MYO9B: variants seen among roughly 807,000 people sequenced by gnomAD.
MYO9B encodes unconventional myosin-IXb.
Under a neutral mutation model 229.5 loss-of-function variants are expected in MYO9B, and 71 were observed. The observed-to-expected ratio is 0.31, with a 90% confidence interval of 0.26 to 0.38. The LOEUF is 0.38. Among genes scored for constraint, MYO9B ranks in the 10% least tolerant of loss-of-function variants. The pLI, the probability that MYO9B is intolerant of heterozygous loss-of-function variation, is 1.00. For missense variants in MYO9B, 2,255 were observed against 2,920.5 expected, an observed-to-expected ratio of 0.77 and a Z score of 5.25; for synonymous variants, 1,185 against 1,235.8, an observed-to-expected ratio of 0.96 and a Z score of 0.86.
At position 17,175,711 on chromosome 19, in the gene MYO9B, G is replaced by A. The variant is rs188258141; in HGVS notation, c.2189G>A (p.Gly730Glu). The change falls in exon 14 of 40, where the codon GGA becomes GAA. Residue 730 changes from glycine (G) to glutamate (E), a missense_variant. Gly to Glu is a moderately conservative substitution (Grantham distance 98). Around this residue, in one of 7 missense-constraint regions of MYO9B, gnomAD observed 155 missense variants for 159.1 expected, o/e 0.97. Coordinates refer to ENST00000682292, the MANE Select transcript of MYO9B (RefSeq NM_004145.4). ...AGTCACCCAGAAGAGCTGCCAAGAG[G>A]AGCCAGCACCCCTTCGGAAAAACTT... Reference protein sequence around the residue: ...AQSHPEELPRGASTPSEKLYR... With the variant: ...AQSHPEELPREASTPSEKLYR... 156 of 1,575,954 alleles carry A rather than the reference G, an allele frequency of 9.9e-5. No homozygotes were observed. The African/African-American group carries it at 1.9e-3, about 19-fold the overall frequency.
At chr19:17,094,088 T>G (rs1484742222) in intron 1 of MYO9B, among the ~76,000 whole-genome samples, 1 of 135,004 alleles carries the variant, frequency 7.4e-6, no homozygotes. Flanking sequence ...CGGGCTGGAG[T>G]GCAATGGCGC....
intron 2 of MYO9B, among the ~76,000 whole-genome samples, chr19:17,123,724 T>C (rs1204638326): frequency 1.3e-5 from 2 of 151,770 alleles, no homozygotes; most frequent in Non-Finnish European, 2.9e-5. Flanking sequence ...GTAAAAATTC[T>C]AAAAGATACA....
Position 17,156,921 on chromosome 19 carries a change from C to G in MYO9B, c.1212C>G (p.Val404=), listed in dbSNP as rs762713264. ...TTTTCTTTCCCAGGATTTTTGCCGTCCTCTCGGCCATCCTGTACCTGGGCA... is the reference window on the plus strand; with the variant it reads ...TTTTCTTTCCCAGGATTTTTGCCGTGCTCTCGGCCATCCTGTACCTGGGCA... ...LPATKKQIFA[V]LSAILYLGNV... Residue 404 remains valine (V), a synonymous_variant, in exon 7 of 40, where the codon GTC becomes GTG. Transcript: ENST00000682292. 1 of 1,612,404 alleles carries G rather than the reference C, an allele frequency of 6.2e-7. No individual in the cohort carries two copies. Among genetic ancestry groups the G allele is most frequent in the South Asian group, 1.1e-5 (1 of 90,890 alleles).
At chr19:17,107,095 G>T (rs949011857) in intron 2 of MYO9B, among the ~76,000 whole-genome samples, 1 of 151,956 alleles carries the variant, frequency 6.6e-6, no homozygotes, top group Non-Finnish European at 1.5e-5. Flanking sequence ...AATTAGCCAG[G>T]CATGGCAGTG....
intron 1 of MYO9B, among the ~76,000 whole-genome samples, chr19:17,082,058 G>A (rs1392872249): frequency 6.6e-6 from 1 of 152,168 alleles, no homozygotes; most frequent in Non-Finnish European, 1.5e-5. Context: ...AGGACCAACT[G>A]CTGTCACAAG....
intron 19 of MYO9B, 99 bp from the exon 20 acceptor site, chr19:17,190,998 A>C: frequency 3.1e-6 from 4 of 1,295,626 alleles, no homozygotes; most frequent in Non-Finnish European, 4.3e-6. Flanking sequence ...ATTCCTGTCA[A>C]ACCCAGCTTC....
In MYO9B at chr19:17,180,866, C is replaced by T. The variant is rs1438442196; in HGVS notation, c.2220-61C>T. 1.7e-5 allele frequency: 20 copies of T among 1,185,614 alleles called. No individual in the cohort carries two copies. The East Asian group carries it at 4.9e-4, about 29-fold the overall frequency. 73.4% of individuals were successfully genotyped at this position (1,185,614 alleles called of 1,614,324 possible). A position where few individuals can be genotyped will look rare whatever the true frequency, so the allele number is the denominator to read the frequency against. On this transcript the variant is annotated intron_variant, in intron 14 of 39. Transcript: ENST00000682292. ...AATGGCGCTGGGAACCCCGAGGTGG[C>T]AGGCCTGCTTCTAACTCCATCTTCT... is the stretch of plus-strand genomic sequence containing the variant.
At chr19:17,109,575 G>A (rs185946201) in intron 2 of MYO9B, among the ~76,000 whole-genome samples, 26 of 152,264 alleles carry the variant, frequency 1.7e-4, no homozygotes, top group South Asian at 2.1e-4. Flanking sequence ...AAACAGCAGG[G>A]GTTGATTCTC....
intron 2 of MYO9B, among the ~76,000 whole-genome samples, chr19:17,130,650 G>T (rs1193341898): frequency 6.6e-6 from 1 of 151,620 alleles, no homozygotes; most frequent in African/African-American, 2.4e-5. Context: ...CAGGCATGGT[G>T]GTGCACACCT....
Position 17,101,514 on chromosome 19 carries a change from G to A in MYO9B, c.-58-146G>A. 1 of 718,022 alleles carries A rather than the reference G, an allele frequency of 1.4e-6. No homozygotes were observed. The allele number at this position is 718,022 out of a possible 1,614,324, so 44.5% of individuals were successfully genotyped here. A position where few individuals can be genotyped will look rare whatever the true frequency, so the allele number is the denominator to read the frequency against. ...AGACCCTCACGGGATGTCGTGACTGGTTGCCTCTGGCTTTTTGGGCGAGCC... is the reference window on the plus strand; with the variant it reads ...AGACCCTCACGGGATGTCGTGACTGATTGCCTCTGGCTTTTTGGGCGAGCC... On this transcript the variant is annotated intron_variant, in intron 1 of 39. Coordinates refer to ENST00000682292, the MANE Select transcript of MYO9B (RefSeq NM_004145.4). The surrounding 1 kb of genome is among the most constrained non-coding windows in gnomAD (Gnocchi z 4.7).
chr19:17,157,974 G>A (rs10409461), intron 7 of MYO9B, among the ~76,000 whole-genome samples: 58,137 of 151,920 alleles, frequency 0.38, 11,658 homozygotes, highest in African/African-American at 0.51. Context: ...GCCAGGGGCA[G>A]TTCTGCCCCT....
Position 17,137,982 on chromosome 19 carries a change from A to G in MYO9B, c.841-7415A>G, listed in dbSNP as rs531455404. 6.6e-5 allele frequency among the ~76,000 whole-genome samples: 10 copies of G among 151,504 alleles called. No homozygotes were observed. The East Asian group carries it at 1.2e-3, about 18-fold the overall frequency. ...TTCGTTACATAGGTATACACATGCC[A>G]TGGTGGTTTGCTGCACCCATCAACC... On this transcript the variant is annotated intron_variant, in intron 2 of 39. Transcript: ENST00000682292.
chr19:17,206,605 G>T, intron 33 of MYO9B, 74 bp from the exon 34 acceptor site: 1 of 1,389,020 alleles, frequency 7.2e-7, no homozygotes, highest in Non-Finnish European at 9.9e-7. Context: ...GTGCATCTCA[G>T]GTCGTGTTGG....
intron 37 of MYO9B, 91 bp from the exon 38 acceptor site, chr19:17,210,624 C>G (rs568478282): frequency 7.0e-7 from 1 of 1,430,022 alleles, no homozygotes; most frequent in South Asian, 1.5e-5. Flanking sequence ...ACACTCACAT[C>G]ACAACTAACC....
chr19:17,158,942 C>G (rs925067161), intron 7 of MYO9B, among the ~76,000 whole-genome samples: 3 of 152,212 alleles, frequency 2.0e-5, no homozygotes, highest in African/African-American at 4.8e-5. Flanking sequence ...GCCTATAATC[C>G]CAGCACTTTG....
At chr19:17,158,606 AAGG>A (rs1241021280) in intron 7 of MYO9B, among the ~76,000 whole-genome samples, 1 of 151,532 alleles carries the variant, frequency 6.6e-6, no homozygotes, top group Non-Finnish European at 1.5e-5. Flanking sequence ...AAAAAAAAAA[AAGG>A]AGAAAGCTGC....
At chr19:17,152,768 G>C in intron 4 of MYO9B, 62 bp downstream of exon 4, 1 of 1,453,812 alleles carries the variant, frequency 6.9e-7, no homozygotes. Flanking sequence ...TCCTCCTACA[G>C]AGGAGAGAAG....
intron 2 of MYO9B, among the ~76,000 whole-genome samples, chr19:17,145,000 A>G (rs1384725537): frequency 1.3e-5 from 2 of 151,478 alleles, no homozygotes; most frequent in Non-Finnish European, 2.9e-5. Context: ...AAGAAAAAGA[A>G]AAAATAGAGA....
Position 17,211,689 on chromosome 19 carries a change from C to T in MYO9B, c.5973C>T (p.Gly1991=). Residue 1991 remains glycine (G), a synonymous_variant, in exon 39 of 40, where the codon GGC becomes GGT. Coordinates refer to ENST00000682292, the MANE Select transcript of MYO9B (RefSeq NM_004145.4). ...GGCTGCCGGAGCTGGACCCAAGGGGCTCGGACGAGGAGAACCTGGACTCGG... is the reference window on the plus strand; with the variant it reads ...GGCTGCCGGAGCTGGACCCAAGGGGTTCGGACGAGGAGAACCTGGACTCGG... The part of the protein sequence containing the change: ...TYRLPELDPR[G]SDEENLDSET... 1.9e-6 allele frequency: 3 copies of T among 1,612,134 alleles called. No individual in the cohort carries two copies. Among genetic ancestry groups the T allele is most frequent in the Non-Finnish European group, 2.5e-6 (3 of 1,179,490 alleles).
Sources: gnomAD v4.1 joint callset for allele counts (sites outside exome capture counted in the v4.1 genomes callset) on GRCh38, gnomAD v4.1.1 for gene constraint, gnomAD v4.1.1 regional missense constraint, Gnocchi (gnomAD v3.1) non-coding constraint, MANE v1.5 for transcripts, NCBI Gene and HGNC (gene_info 2026-07-23, HGNC 2026-07-21) for gene names.